The following STYXL1 variants were observed in gnomAD, a reference collection of about 807,000 sequenced individuals.
STYXL1 encodes the protein serine/threonine/tyrosine-interacting-like protein 1.
A neutral mutation model predicts 36.4 loss-of-function variants in STYXL1; 32 were observed. That is an observed-to-expected ratio of 0.88 (90% CI 0.66 to 1.18). STYXL1 has a LOEUF of 1.18. Among genes scored for constraint, STYXL1 ranks in the 50% most tolerant of loss-of-function variants. The probability of loss-of-function intolerance (pLI) is 0.00; values close to 1 mark genes in which losing one functional copy is unlikely to be tolerated. For missense variants in STYXL1, 354 were observed against 394.1 expected (o/e 0.90, Z 0.86); for synonymous variants, 133 against 144.1 (o/e 0.92, Z 0.55).
chr7:76,017,866 C>CAAAAAAAAAAAAAA lies in STYXL1; in HGVS notation c.307+3971_308-3980dup, dbSNP rs71082374. ...GGGCAACAAGAGCAAAACTCCATCTCAAAAAAAAAAAAAAAGGCAAGACAG... is the reference window on the plus strand; with the variant it reads ...GGGCAACAAGAGCAAAACTCCATCTCAAAAAAAAAAAAAAAAAAAAAAAAAAAAAGGCAAGACAG... On this transcript the variant is annotated intron_variant, in intron 4 of 8. Transcript: ENST00000359697. Among the ~76,000 whole-genome samples, 84 of 10,334 alleles carry CAAAAAAAAAAAAAA rather than the reference C, an allele frequency of 8.1e-3. 15 individuals carry two copies. The highest frequency in any genetic ancestry group is 0.016 in the African/African-American group (71 of 4,580). The allele number at this position is 10,334 out of a possible 152,430, so 6.8% of individuals were successfully genotyped here. A position where few individuals can be genotyped will look rare whatever the true frequency, so the allele number is the denominator to read the frequency against.
intron 4 of STYXL1, among the ~76,000 whole-genome samples, chr7:76,020,264 T>A (rs1040518639): frequency 2.0e-5 from 3 of 152,138 alleles, no homozygotes; most frequent in African/African-American, 7.2e-5. Flanking sequence ...GGGACAAAAG[T>A]CCAGACAGCT....
chr7:76,011,845 C>G (rs185734644), intron 5 of STYXL1, among the ~76,000 whole-genome samples: 18 of 152,356 alleles, frequency 1.2e-4, no homozygotes, highest in African/African-American at 3.6e-4. Context: ...CGTCCCTTGA[C>G]ACAGTCCAGC....
intron 2 of STYXL1, 35 bp downstream of exon 2, chr7:76,030,386 T>C: frequency 6.7e-7 from 1 of 1,494,340 alleles, no homozygotes; most frequent in Non-Finnish European, 9.3e-7. Context: ...AAGGACACTG[T>C]GTTTGACCTC....
At chr7:76,034,292 T>C (rs1289437038) in intron 1 of STYXL1, among the ~76,000 whole-genome samples, 1 of 152,062 alleles carries the variant, frequency 6.6e-6, no homozygotes, top group African/African-American at 2.4e-5. Flanking sequence ...AGATGGGGTC[T>C]CACTATGTTG....
At chr7:76,033,252 C>T (rs879960152) in intron 1 of STYXL1, among the ~76,000 whole-genome samples, 1 of 151,854 alleles carries the variant, frequency 6.6e-6, no homozygotes, top group Non-Finnish European at 1.5e-5. Flanking sequence ...CTCAAGCAAT[C>T]CTCTGGCCTC....
intron 1 of STYXL1, among the ~76,000 whole-genome samples, chr7:76,042,818 C>G (rs1192001540): frequency 1.3e-5 from 2 of 152,218 alleles, no homozygotes; most frequent in East Asian, 3.9e-4. Flanking sequence ...CTATTAGCAT[C>G]TTTCTGATTC....
chr7:76,013,566 G>A (rs1243614558), intron 5 of STYXL1, among the ~76,000 whole-genome samples, 176 bp downstream of exon 5: 1 of 151,048 alleles, frequency 6.6e-6, no homozygotes, highest in Non-Finnish European at 1.5e-5. Context: ...CTACGACTAT[G>A]GGCACGCACC....
chr7:76,007,752 T>A (rs1306266250), intron 5 of STYXL1, among the ~76,000 whole-genome samples: 1 of 150,604 alleles, frequency 6.6e-6, no homozygotes, highest in Non-Finnish European at 1.5e-5. Context: ...AAGACCCTTG[T>A]CTCTACAAAA....
chr7:75,997,719 TACACACACACACAAC>T lies in STYXL1; in HGVS notation c.811-1135_811-1121del, dbSNP rs374436226. Among the ~76,000 whole-genome samples the T allele has an allele frequency of 2.6e-5, 4 of 151,646 alleles. No homozygotes were observed. In the East Asian group the frequency reaches 7.8e-4, roughly 29 times the overall value. On this transcript the variant is annotated intron_variant, in intron 8 of 8. Coordinates refer to ENST00000359697, the MANE Select transcript of STYXL1 (RefSeq NM_001317785.2). ...TTCATATGTAGAAAACCCTAAAGAT[TACACACACACACAAC>T]ACACACACACAGCTAATAAATTCAG...
At chr7:76,001,326 T>TC (rs2116749754) in intron 7 of STYXL1, among the ~76,000 whole-genome samples, 1 of 152,270 alleles carries the variant, frequency 6.6e-6, no homozygotes, top group East Asian at 1.9e-4. Flanking sequence ...GACAGGACCA[T>TC]CGTCATCCCA....
intron 1 of STYXL1, among the ~76,000 whole-genome samples, chr7:76,042,842 G>A (rs1187530110): frequency 6.6e-6 from 1 of 152,072 alleles, no homozygotes; most frequent in East Asian, 1.9e-4. Flanking sequence ...ACATTCACAA[G>A]TCTCTGCTTT....
chr7:76,009,503 C>T (rs1181748709), intron 5 of STYXL1, among the ~76,000 whole-genome samples: 6 of 152,084 alleles, frequency 3.9e-5, no homozygotes, highest in African/African-American at 9.7e-5. Context: ...CTCCGCCTCC[C>T]GGGTTCAATT....
chr7:76,001,804 T>TC (rs1554567651), intron 7 of STYXL1, among the ~76,000 whole-genome samples: 1 of 149,402 alleles, frequency 6.7e-6, no homozygotes, highest in Non-Finnish European at 1.5e-5. Context: ...TTTTTTTTTT[T>TC]TTTTTTTTTT....
At chr7:76,005,112 A>G (rs1791494142) in intron 6 of STYXL1, 147 bp downstream of exon 6, 1 of 302,972 alleles carries the variant, frequency 3.3e-6, no homozygotes, top group South Asian at 1.4e-4. Context: ...GCACATGTAT[A>G]CATATGTAAC....
intron 1 of STYXL1, among the ~76,000 whole-genome samples, chr7:76,036,744 T>A (rs1554580781): frequency 6.7e-6 from 1 of 149,956 alleles, no homozygotes; most frequent in East Asian, 2.0e-4. Context: ...ATTTAAGACA[T>A]CCTCCTTTAT....
intron 1 of STYXL1, among the ~76,000 whole-genome samples, chr7:76,043,482 A>G (rs748058212): frequency 1.1e-4 from 17 of 152,024 alleles, no homozygotes; most frequent in Non-Finnish European, 2.1e-4. Flanking sequence ...AGGGCCACCG[A>G]GAGGGAAAAT....
Position 75,996,555 on chromosome 7 carries a change from T to G in STYXL1, c.855A>C (p.Pro285=), listed in dbSNP as rs782816153. 1 of 1,614,222 alleles carries G rather than the reference T, an allele frequency of 6.2e-7. No homozygotes were observed. Among genetic ancestry groups the G allele is most frequent in the Non-Finnish European group, 8.5e-7 (1 of 1,180,038 alleles). Residue 285 remains proline (P), a synonymous_variant, in exon 9 of 9, where the codon CCA becomes CCC. Coordinates refer to ENST00000359697, the MANE Select transcript of STYXL1 (RefSeq NM_001317785.2). ...YVKKCKNNMC[P]NRGLVSQLLE... ...GCAGCTGGCTCACCAATCCCCGATT[T>G]GGACACATGTTGTTTTTGCACTTCT... is the stretch of plus-strand genomic sequence containing the variant.
Position 76,013,758 on chromosome 7 carries a change from ATCT to A in STYXL1, c.434_436del (p.Lys145del), listed in dbSNP as rs781910736. The A allele has an allele frequency of 2.5e-6, 4 of 1,613,604 alleles. No individual in the cohort carries two copies. The Admixed American group carries it at 6.7e-5, about 27-fold the overall frequency. On this transcript the variant is annotated inframe_deletion, in exon 5 of 9. Transcript: ENST00000359697. ...TGGCCCTACCTGAGGCATCCAGATG[ATCT>A]TCTGGGTCCGGAGAAAGTGGTACGT...
intron 5 of STYXL1, among the ~76,000 whole-genome samples, chr7:76,010,754 G>C (rs1792454884): frequency 6.6e-6 from 1 of 152,152 alleles, no homozygotes; most frequent in South Asian, 2.1e-4. Context: ...TGTCCTTAAA[G>C]CTAACCCCCA....
Sources: gnomAD v4.1 joint callset for allele counts (sites outside exome capture counted in the v4.1 genomes callset) on GRCh38, gnomAD v4.1.1 for gene constraint, MANE v1.5 for transcripts, NCBI Gene and HGNC (gene_info 2026-07-23, HGNC 2026-07-21) for gene names.